The following RPS6KC1 variants were observed in gnomAD, a reference collection of about 807,000 sequenced individuals.
RPS6KC1 encodes the protein ribosomal protein S6 kinase C1.
A neutral mutation model predicts 103.8 loss-of-function variants in RPS6KC1; 54 were observed. The ratio of observed to expected loss-of-function variants is 0.52; its 90% CI spans 0.42 to 0.65. The LOEUF (loss-of-function observed/expected upper bound fraction) is 0.65. RPS6KC1 is among the 30% of genes least tolerant of loss of function. The pLI, the probability that RPS6KC1 is intolerant of heterozygous loss-of-function variation, is 0.00. For missense variants in RPS6KC1, 1,151 were observed against 1,253.8 expected (o/e 0.92, Z 1.24); for synonymous variants, 439 against 438.7 (o/e 1.00, Z -0.01).
the RPS6KC1 span, among the ~76,000 whole-genome samples, chr1:213,462,312 A>C: frequency 6.6e-6 from 1 of 152,186 alleles, no homozygotes; most frequent in Admixed American, 6.5e-5. Flanking sequence ...TGTTGGTGGG[A>C]GTGTAAATTA....
At chr1:213,613,334 A>G in the RPS6KC1 span, among the ~76,000 whole-genome samples, 3 of 152,308 alleles carry the variant, frequency 2.0e-5, no homozygotes, top group African/African-American at 7.2e-5. Flanking sequence ...GCTATTTACT[A>G]TGAAAAGAAA....
chr1:213,507,873 G>A, the RPS6KC1 span, among the ~76,000 whole-genome samples: 1 of 152,194 alleles, frequency 6.6e-6, no homozygotes, highest in East Asian at 1.9e-4. Flanking sequence ...TACAATGCCT[G>A]TAAATCAGAG....
chr1:213,325,731 C>T, the RPS6KC1 span, among the ~76,000 whole-genome samples: 1 of 152,208 alleles, frequency 6.6e-6, no homozygotes, highest in Admixed American at 6.5e-5. Flanking sequence ...GTTCCGGCAG[C>T]GCTCCTGGGC....
At chr1:213,121,557 G>A (rs566605633) in intron 5 of RPS6KC1, among the ~76,000 whole-genome samples, 11 of 152,104 alleles carry the variant, frequency 7.2e-5, no homozygotes, top group Non-Finnish European at 1.5e-4. Flanking sequence ...AAATTTAGCC[G>A]TGAAGTTACT....
At chr1:213,607,525 G>T in the RPS6KC1 span, among the ~76,000 whole-genome samples, 1 of 152,064 alleles carries the variant, frequency 6.6e-6, no homozygotes, top group Non-Finnish European at 1.5e-5. Flanking sequence ...CTCCTTAAAG[G>T]TGGAGAATAT....
the RPS6KC1 span, among the ~76,000 whole-genome samples, chr1:213,412,560 G>T: frequency 9.9e-5 from 15 of 152,240 alleles, no homozygotes; most frequent in African/African-American, 2.7e-4. Flanking sequence ...AGAAGCTGTA[G>T]TGGGGGCAGA....
the RPS6KC1 span, among the ~76,000 whole-genome samples, chr1:213,726,978 A>T: frequency 6.6e-6 from 1 of 152,184 alleles, no homozygotes; most frequent in African/African-American, 2.4e-5. Context: ...TTAGGGCGCC[A>T]CCATCTCAAC....
the RPS6KC1 span, among the ~76,000 whole-genome samples, chr1:213,490,299 T>A: frequency 6.6e-6 from 1 of 152,202 alleles, no homozygotes; most frequent in Non-Finnish European, 1.5e-5. Flanking sequence ...TGAAAGCGGC[T>A]TAATATGGCA....
rs116802622 is a variant in RPS6KC1 at position 213,274,082 on chromosome 1, A to G, written c.*1448A>G. ...ATGTGCAAGCATTTTTCCTTTTTCT[A>G]TTATTCTATTTCCCTTTTTCCTTTT... is the stretch of plus-strand genomic sequence containing the variant. On this transcript the variant is annotated 3_prime_UTR_variant, in exon 15 of 15. Transcript: ENST00000366960. 334 of 152,242 alleles carry G rather than the reference A, an allele frequency of 2.2e-3. 2 individuals are homozygous for G. The highest frequency in any genetic ancestry group is 7.7e-3 in the African/African-American group (319 of 41,566). 9.4% of individuals were successfully genotyped at this position (152,242 alleles called of 1,614,324 possible).
the RPS6KC1 span, among the ~76,000 whole-genome samples, chr1:213,525,479 G>T: frequency 6.6e-6 from 1 of 152,180 alleles, no homozygotes; most frequent in Non-Finnish European, 1.5e-5. Flanking sequence ...GGAGTTTAAA[G>T]AGAGGTACCA....
the RPS6KC1 span, among the ~76,000 whole-genome samples, chr1:213,542,784 C>T: frequency 1.3e-5 from 2 of 152,118 alleles, no homozygotes; most frequent in Admixed American, 6.5e-5. Context: ...CATATAATAG[C>T]GATTATTTTG....
chr1:213,211,615 A>G (rs2148672881), intron 8 of RPS6KC1, among the ~76,000 whole-genome samples: 1 of 152,366 alleles, frequency 6.6e-6, no homozygotes, highest in Non-Finnish European at 1.5e-5. Context: ...AATTATACAA[A>G]GTAAAATTCT....
chr1:213,655,162 C>T, the RPS6KC1 span, among the ~76,000 whole-genome samples: 14 of 152,108 alleles, frequency 9.2e-5, no homozygotes, highest in Admixed American at 9.2e-4. Context: ...CGTGCCTCAG[C>T]CTCTCGAGTA....
At chr1:213,514,552 C>T in the RPS6KC1 span, among the ~76,000 whole-genome samples, 1 of 152,076 alleles carries the variant, frequency 6.6e-6, no homozygotes, top group African/African-American at 2.4e-5. Flanking sequence ...CTACAAAGGA[C>T]ATGAACTCAT....
chr1:213,533,248 T>A, the RPS6KC1 span, among the ~76,000 whole-genome samples: 13 of 152,086 alleles, frequency 8.5e-5, no homozygotes, highest in Admixed American at 8.5e-4. Flanking sequence ...GGGAAGTCCT[T>A]CACTAGGATG....
the RPS6KC1 span, among the ~76,000 whole-genome samples, chr1:213,329,457 G>A: frequency 6.6e-6 from 1 of 152,126 alleles, no homozygotes; most frequent in Non-Finnish European, 1.5e-5. Context: ...TCGACTTTTG[G>A]AGAATGGCAG....
the RPS6KC1 span, among the ~76,000 whole-genome samples, chr1:213,524,586 G>A: frequency 2.6e-5 from 4 of 152,182 alleles, no homozygotes; most frequent in Admixed American, 2.0e-4. Context: ...GAAAGTATGG[G>A]CTTCAGAGTC....
the RPS6KC1 span, among the ~76,000 whole-genome samples, chr1:213,539,032 C>G: frequency 1.3e-5 from 2 of 152,288 alleles, no homozygotes; most frequent in African/African-American, 4.8e-5. Context: ...GCCGTTGGCT[C>G]TTTTGCAATG....
chr1:213,399,487 G>A, the RPS6KC1 span, among the ~76,000 whole-genome samples: 88 of 152,238 alleles, frequency 5.8e-4, 2 homozygotes, highest in African/African-American at 2.0e-3. Flanking sequence ...ATGGATTCTT[G>A]CTTTACTTAA....
Sources: allele counts gnomAD v4.1 joint callset (sites outside exome capture counted in the v4.1 genomes callset), GRCh38; gene constraint gnomAD v4.1.1; transcripts MANE v1.5; gene names NCBI Gene and HGNC (gene_info 2026-07-23, HGNC 2026-07-21).